The following TOM1L2 variants were observed in gnomAD, a reference collection of about 807,000 sequenced individuals.
The protein encoded by TOM1L2 is target of myb1 like 2 membrane trafficking protein.
A neutral mutation model predicts 67.9 loss-of-function variants in TOM1L2; 31 were observed. The observed-to-expected ratio is 0.46, with a 90% CI of 0.34 to 0.62. The LOEUF (loss-of-function observed/expected upper bound fraction) is 0.62, where lower values mean the gene tolerates loss of function less well. Among genes scored for constraint, TOM1L2 ranks in the 20% least tolerant of loss-of-function variants. The pLI is 0.01. For missense variants in TOM1L2, 606 were observed against 663.5 expected, an observed-to-expected ratio of 0.91 and a Z score of 0.95; for synonymous variants, 256 against 254.0, an observed-to-expected ratio of 1.01 and a Z score of -0.07.
intron 5 of TOM1L2, among the ~76,000 whole-genome samples, chr17:17,884,174 T>A (rs1233331947): frequency 6.6e-6 from 1 of 152,172 alleles, no homozygotes; most frequent in Admixed American, 6.5e-5. Flanking sequence ...TCTGGATTGA[T>A]GCTGAATACT....
rs187138590 is a variant in TOM1L2, at chr17:17,960,565, T to C, written c.52+11697A>G. 1.6e-4 allele frequency among the ~76,000 whole-genome samples: 25 copies of C among 152,316 alleles called. No homozygotes were observed. In the East Asian group the frequency reaches 4.4e-3, roughly 27 times the overall value. On this transcript the variant is annotated intron_variant, in intron 1 of 14. Transcript: ENST00000379504. ...GTTGCCCAGACTGGTCTCGAACTCC[T>C]GAGCTCAAGTGATCCTCCCATCTTG...
At chr17:17,867,240 C>T (rs1478640837) in intron 8 of TOM1L2, among the ~76,000 whole-genome samples, 1 of 147,736 alleles carries the variant, frequency 6.8e-6, no homozygotes. Flanking sequence ...GGCTTAACCA[C>T]CTTACCTTGG....
chr17:17,924,549 A>G (rs1014730682), intron 1 of TOM1L2, among the ~76,000 whole-genome samples: 7 of 152,142 alleles, frequency 4.6e-5, no homozygotes, highest in African/African-American at 1.7e-4. Context: ...CAGGAGGATC[A>G]CTTAAGCCCA....
intron 10 of TOM1L2, 30 bp downstream of exon 10, chr17:17,866,244 GAGGCCAGTGGTAGGAAGTAGGT>G: frequency 6.4e-7 from 1 of 1,550,648 alleles, no homozygotes; most frequent in South Asian, 1.2e-5. Context: ...GCCTGCAAGG[GAGGCCAGTGGTAGGAAGTAGGT>G]AGGCCCTTTT....
intron 1 of TOM1L2, among the ~76,000 whole-genome samples, chr17:17,920,005 C>A (rs929299689): frequency 1.3e-5 from 2 of 152,082 alleles, no homozygotes; most frequent in Admixed American, 1.3e-4. Context: ...GGCCTTGGAC[C>A]CTGATCCATC....
intron 1 of TOM1L2, among the ~76,000 whole-genome samples, chr17:17,908,907 G>A (rs902206600): frequency 1.1e-4 from 16 of 152,328 alleles, no homozygotes; most frequent in African/African-American, 3.6e-4. Context: ...ACCCAGCCAG[G>A]CGCGGTGGCT....
At chr17:17,971,094 T>TC (rs1450932550) in intron 1 of TOM1L2, among the ~76,000 whole-genome samples, 1 of 152,050 alleles carries the variant, frequency 6.6e-6, no homozygotes, top group Non-Finnish European at 1.5e-5. Flanking sequence ...GGTGTCCACA[T>TC]CCCCCCTATA....
rs115938796 is a variant in TOM1L2 at position 17,946,026 on chromosome 17, G to A, written c.52+26236C>T. Among the ~76,000 whole-genome samples, 1,343 of 151,892 alleles carry A rather than the reference G, an allele frequency of 8.8e-3. 27 individuals are homozygous for A. Among genetic ancestry groups the A allele is most frequent in the African/African-American group, 0.03 (1,241 of 41,412 alleles). ...TGGGACTACTGGGGTGCACCATCAC[G>A]CCTGCCTGGCTAAATTTTTCATATT... On this transcript the variant is annotated intron_variant, in intron 1 of 14. Transcript: ENST00000379504.
intron 7 of TOM1L2, among the ~76,000 whole-genome samples, chr17:17,879,103 G>C (rs1223035058): frequency 6.6e-6 from 1 of 152,218 alleles, no homozygotes; most frequent in East Asian, 1.9e-4. Flanking sequence ...AAAAGCATGG[G>C]AGCATCACAC....
chr17:17,946,463 A>C (rs767497661), intron 1 of TOM1L2, among the ~76,000 whole-genome samples: 5 of 152,180 alleles, frequency 3.3e-5, no homozygotes, highest in Non-Finnish European at 4.4e-5. Flanking sequence ...CAATCATACA[A>C]TATATAGCTG....
At chr17:17,968,027 G>A (rs1264414566) in intron 1 of TOM1L2, among the ~76,000 whole-genome samples, 1 of 152,218 alleles carries the variant, frequency 6.6e-6, no homozygotes, top group South Asian at 2.1e-4. Context: ...CCGCTAACTT[G>A]AGATGAACAC....
chr17:17,906,604 G>A (rs1417360962), intron 2 of TOM1L2, among the ~76,000 whole-genome samples: 1 of 152,184 alleles, frequency 6.6e-6, no homozygotes, highest in Non-Finnish European at 1.5e-5. Flanking sequence ...AATCTATCTT[G>A]TTCACTGCTG....
chr17:17,906,339 G>A (rs1487954516), intron 2 of TOM1L2, among the ~76,000 whole-genome samples: 1 of 151,690 alleles, frequency 6.6e-6, no homozygotes, highest in African/African-American at 2.4e-5. Flanking sequence ...GTGTTGCCCA[G>A]GCTGGTCTCG....
At chr17:17,864,820 C>T (rs1451190017) in intron 10 of TOM1L2, among the ~76,000 whole-genome samples, 1 of 152,168 alleles carries the variant, frequency 6.6e-6, no homozygotes, top group Admixed American at 6.6e-5. Flanking sequence ...AGTATTAAAT[C>T]TGGCAGTCAT....
At chr17:17,887,513 C>A (rs1159533798) in intron 4 of TOM1L2, among the ~76,000 whole-genome samples, 1 of 152,108 alleles carries the variant, frequency 6.6e-6, no homozygotes, top group Non-Finnish European at 1.5e-5. Context: ...CAGAGCTGTC[C>A]CCCAGGCTGG....
chr17:17,908,710 G>C (rs2039206978), intron 1 of TOM1L2, among the ~76,000 whole-genome samples: 1 of 152,078 alleles, frequency 6.6e-6, no homozygotes, highest in Non-Finnish European at 1.5e-5. Flanking sequence ...TAAGCATTAG[G>C]GAAGTGCAAG....
chr17:17,940,106 T>C (rs2040669001), intron 1 of TOM1L2, among the ~76,000 whole-genome samples: 1 of 143,528 alleles, frequency 7.0e-6, no homozygotes, highest in Admixed American at 7.5e-5. Flanking sequence ...AGCATGAGAA[T>C]CACTTGAACC....
At chr17:17,851,279 G>C in intron 12 of TOM1L2, 1 of 374,414 alleles carries the variant, frequency 2.7e-6, no homozygotes, top group Non-Finnish European at 5.1e-6. Context: ...TCTCAGCCCG[G>C]GGCTGCAAAA....
chr17:17,920,333 A>AT (rs1257454140), intron 1 of TOM1L2, among the ~76,000 whole-genome samples: 4 of 142,160 alleles, frequency 2.8e-5, no homozygotes, highest in African/African-American at 1.1e-4. Context: ...CTAATGTTCA[A>AT]TATTTTTTTT....
Sources: gnomAD v4.1 joint callset for allele counts (sites outside exome capture counted in the v4.1 genomes callset) on GRCh38, gnomAD v4.1.1 for gene constraint, MANE v1.5 for transcripts, NCBI Gene and HGNC (gene_info 2026-07-23, HGNC 2026-07-21) for gene names.